The following TAOK2 variants were observed in gnomAD, a reference collection of about 807,000 sequenced individuals.
TAOK2 encodes serine/threonine-protein kinase TAO2.
In TAOK2, 42 loss-of-function variants were observed where a neutral mutation model predicts 122.5. That is an observed-to-expected ratio of 0.34 (90% CI 0.27 to 0.44). The LOEUF (loss-of-function observed/expected upper bound fraction) is 0.44, where lower values mean the gene tolerates loss of function less well. Ranked by LOEUF, TAOK2 falls within the 20% of genes least tolerant of loss-of-function variation. The probability of loss-of-function intolerance (pLI) is 1.00; values close to 1 mark genes in which losing one functional copy is unlikely to be tolerated. For synonymous variants in TAOK2, 704 were observed against 677.6 expected (o/e 1.04, Z -0.61); for missense variants, 1,264 against 1,644.9 (o/e 0.77, Z 4.01).
At position 29,986,129 on chromosome 16, in the gene TAOK2, C is replaced by T. The variant is rs1002764337; in HGVS notation, c.1993-136C>T. The T allele has an allele frequency of 3.7e-6, 5 of 1,364,596 alleles. No individual in the cohort carries two copies. The South Asian group carries it at 7.2e-5, about 20-fold the overall frequency. 84.5% of individuals were successfully genotyped at this position (1,364,596 alleles called of 1,614,324 possible). A position where few individuals can be genotyped will look rare whatever the true frequency, so the allele number is the denominator to read the frequency against. On this transcript the variant is annotated intron_variant, in intron 15 of 15. Coordinates refer to ENST00000308893, the MANE Select transcript of TAOK2 (RefSeq NM_016151.4). This position sits in a 1 kb window ranked among gnomAD's most constrained non-coding sequence, Gnocchi z 4.2. ...TCCCTCTGCCAAGGAGCCCTGGCCCCTCACTTCCTTGATACTGACCAGGCC... is the reference window on the plus strand; with the variant it reads ...TCCCTCTGCCAAGGAGCCCTGGCCCTTCACTTCCTTGATACTGACCAGGCC...
chr16:29,991,035 C>T (rs375060252), downstream of TAOK2: 53 of 1,575,990 alleles, frequency 3.4e-5, no homozygotes, highest in South Asian at 2.1e-4. The surrounding 1 kb of genome is among the most constrained non-coding windows in gnomAD (Gnocchi z 5.6). Context: ...ACCTCTGTTC[C>T]GGATGCCCCA....
rs748733191 is a variant in TAOK2 at position 29,977,797 on chromosome 16, A to C, written c.25A>C (p.Ser9Arg). 6.2e-7 allele frequency: 1 copy of C among 1,614,120 alleles called. No individual in the cohort carries two copies. The highest frequency in any genetic ancestry group is 2.2e-5 in the East Asian group (1 of 44,872). Residue 9 changes from serine to arginine, a missense_variant, in exon 2 of 16, where the codon AGC becomes CGC. Transcript: ENST00000308893. MPAGGRAG[S>R]LKDPDVAELF... ...CATGCCAGCTGGGGGCCGGGCCGGG[A>C]GCCTGAAGGACCCAGATGTGGCTGA... is the stretch of plus-strand genomic sequence containing the variant.
chr16:29,989,015 C>A (rs1481071150), downstream of TAOK2: 23 of 985,408 alleles, frequency 2.3e-5, no homozygotes, highest in Non-Finnish European at 2.8e-5. Flanking sequence ...CCCCTTCTTA[C>A]CCATTTCTCA....
intron 2 of TAOK2, 37 bp downstream of exon 2, chr16:29,977,941 G>C (rs946002503): frequency 1.2e-6 from 2 of 1,613,634 alleles, no homozygotes; most frequent in Non-Finnish European, 1.7e-6. Flanking sequence ...TAGGGATGGG[G>C]ACTCTTCCTA....
In TAOK2 at chr16:29,985,092, G is replaced by A; in HGVS notation, c.1423-121G>A. Reference sequence around the variant, plus strand: ...GCTAGAGTGGCCGTGTGTGAGGAAGGTGTTAAATGAGAATGAAACCCATGA... The same window carrying A: ...GCTAGAGTGGCCGTGTGTGAGGAAGATGTTAAATGAGAATGAAACCCATGA... On this transcript the variant is annotated intron_variant, in intron 13 of 15. Coordinates refer to ENST00000308893, the MANE Select transcript of TAOK2 (RefSeq NM_016151.4). The surrounding 1 kb of genome is among the most constrained non-coding windows in gnomAD (Gnocchi z 6.9). The A allele has an allele frequency of 1.6e-6, 2 of 1,273,666 alleles. No homozygotes were observed. Among genetic ancestry groups the A allele is most frequent in the Non-Finnish European group, 1.0e-6 (1 of 969,170 alleles). The allele number at this position is 1,273,666 out of a possible 1,614,324, so 78.9% of individuals were successfully genotyped here.
rs1596613735 is a variant in TAOK2, at chr16:29,986,085, A to T, written c.1993-180A>T. 6.6e-6 allele frequency among the ~76,000 whole-genome samples: 1 copy of T among 151,746 alleles called. No individual in the cohort carries two copies. Among genetic ancestry groups the T allele is most frequent in the East Asian group, 1.9e-4 (1 of 5,168 alleles). On this transcript the variant is annotated intron_variant, in intron 15 of 15. Transcript: ENST00000308893. The surrounding 1 kb of genome is among the most constrained non-coding windows in gnomAD (Gnocchi z 4.2). ...AGGAGCTTGCCTCCCCTACACCCTCATCTCCTGCCATCCCCAGCTCCCTCT... is the reference window on the plus strand; with the variant it reads ...AGGAGCTTGCCTCCCCTACACCCTCTTCTCCTGCCATCCCCAGCTCCCTCT...
chr16:29,991,487 T>C, downstream of TAOK2: 1 of 1,478,978 alleles, frequency 6.8e-7, no homozygotes, highest in South Asian at 1.4e-5. This position sits in a 1 kb window ranked among gnomAD's most constrained non-coding sequence, Gnocchi z 5.6. Context: ...GCCCCCCTGC[T>C]GCCGCGGTGC....
At chr16:29,977,622 C>A in intron 1 of TAOK2, 116 bp from the exon 2 acceptor site, 1 of 983,542 alleles carries the variant, frequency 1.0e-6, no homozygotes, top group South Asian at 1.8e-5. Flanking sequence ...CCTTCCTCAG[C>A]AGTGCCTCCT....
rs1428490877 is a variant in TAOK2 at position 29,973,944 on chromosome 16, G to A, written c.-740G>A. 3 of 152,964 alleles carry A rather than the reference G, an allele frequency of 2.0e-5. No homozygotes were observed. The highest frequency in any genetic ancestry group is 1.3e-4 in the Admixed American group (2 of 15,304). 9.5% of individuals were successfully genotyped at this position (152,964 alleles called of 1,614,324 possible). A position where few individuals can be genotyped will look rare whatever the true frequency, so the allele number is the denominator to read the frequency against. On this transcript the variant is annotated 5_prime_UTR_variant, in exon 1 of 16. Coordinates refer to ENST00000308893, the MANE Select transcript of TAOK2 (RefSeq NM_016151.4). ...GGGCTGTGGTGCGGAGAGAGGCTGA[G>A]ACGGAGAAGAGGAGAGGCAGAGAGG... is the stretch of plus-strand genomic sequence containing the variant.
rs751742851 is a variant in TAOK2 at position 29,986,633 on chromosome 16, A to G, written c.2361A>G (p.Arg787=). ...GCCAGGAGGCAGTCCTGGACCAAAG[A>G]ATGCTTGGCGAGGAGGAGGAAGCAG... The part of the protein sequence containing the change: ...SPGQEAVLDQ[R]MLGEEEEAVG... Residue 787 remains arginine (R), a synonymous_variant, in exon 16 of 16, where the codon AGA becomes AGG. Transcript: ENST00000308893. The surrounding 1 kb of genome is among the most constrained non-coding windows in gnomAD (Gnocchi z 4.2). The G allele has an allele frequency of 3.7e-6, 6 of 1,611,670 alleles. No homozygotes were observed. The African/African-American group carries it at 8.0e-5, about 22-fold the overall frequency.
intron 13 of TAOK2, 85 bp downstream of exon 13, chr16:29,983,749 A>G: frequency 2.0e-6 from 3 of 1,529,422 alleles, no homozygotes; most frequent in African/African-American, 1.4e-5. Context: ...TCCCTGTGGC[A>G]TGGGATTGAG....
At chr16:29,976,112 G>A (rs1368901268) in intron 1 of TAOK2, among the ~76,000 whole-genome samples, 3 of 152,206 alleles carry the variant, frequency 2.0e-5, no homozygotes, top group Admixed American at 2.0e-4. Flanking sequence ...TGTTTTGCCA[G>A]TGGGTGGCAC....
chr16:29,985,560 C>T lies in TAOK2; in HGVS notation c.1770C>T (p.Arg590=). The T allele has an allele frequency of 5.0e-6, 8 of 1,602,252 alleles. No homozygotes were observed. Among genetic ancestry groups the T allele is most frequent in the Non-Finnish European group, 6.8e-6 (8 of 1,172,540 alleles). The change falls in exon 14 of 16, where the codon CGC becomes CGT. Residue 590 remains arginine (R), a synonymous_variant. Coordinates refer to ENST00000308893, the MANE Select transcript of TAOK2 (RefSeq NM_016151.4). The surrounding 1 kb of genome is among the most constrained non-coding windows in gnomAD (Gnocchi z 6.9). The part of the protein sequence containing the change: ...LEAQKRTYKL[R]KEQLKEELQE... Reference sequence around the variant, plus strand: ...CACAGAAGCGGACCTACAAACTTCGCAAGGAACAGCTGAAGGAGGTGAGCT... The same window carrying T: ...CACAGAAGCGGACCTACAAACTTCGTAAGGAACAGCTGAAGGAGGTGAGCT...
In TAOK2 at chr16:29,985,261, C is replaced by A; in HGVS notation, c.1471C>A (p.Gln491Lys). Residue 491 changes from glutamine (Q) to lysine (K), a missense_variant, in exon 14 of 16, where the codon CAG becomes AAG. By Grantham distance (53) the Gln-to-Lys change is moderately conservative. Coordinates refer to ENST00000308893, the MANE Select transcript of TAOK2 (RefSeq NM_016151.4). The surrounding 1 kb of genome is among the most constrained non-coding windows in gnomAD (Gnocchi z 6.9). ...EHEQDSALREQLSGYKRMRRQ... is the reference protein window; with the variant it reads ...EHEQDSALREKLSGYKRMRRQ... ...TGAGCAGGACTCTGCGCTGCGGGAGCAGCTGAGCGGCTATAAGCGGATGCG... is the reference window on the plus strand; with the variant it reads ...TGAGCAGGACTCTGCGCTGCGGGAGAAGCTGAGCGGCTATAAGCGGATGCG... The A allele has an allele frequency of 6.4e-7, 1 of 1,559,356 alleles. No individual in the cohort carries two copies.
At chr16:29,982,630 G>T in intron 10 of TAOK2, 104 bp from the exon 11 acceptor site, 1 of 1,464,704 alleles carries the variant, frequency 6.8e-7, no homozygotes, top group Non-Finnish European at 9.2e-7. Flanking sequence ...CCCGTGGTGG[G>T]CGTGGGCCCC....
chr16:29,991,146 A>G, downstream of TAOK2: 1 of 1,610,676 alleles, frequency 6.2e-7, no homozygotes, highest in Non-Finnish European at 8.5e-7. This position sits in a 1 kb window ranked among gnomAD's most constrained non-coding sequence, Gnocchi z 5.6. Flanking sequence ...CGATGCGGAA[A>G]GCATGAGGCT....
In TAOK2 at chr16:29,978,857, T is replaced by A. The variant is rs780490230; in HGVS notation, c.352+13T>A. On this transcript the variant is annotated intron_variant, in intron 5 of 15. Transcript: ENST00000308893. ...GACCTTCTAGAAGGTAAGTGACTGA[T>A]AGGCCAATAAGTGGAGAAGGGAGAA... is the stretch of plus-strand genomic sequence containing the variant. 2 of 1,613,994 alleles carry A rather than the reference T, an allele frequency of 1.2e-6. No homozygotes were observed. The highest frequency in any genetic ancestry group is 2.2e-5 in the South Asian group (2 of 91,076).
chr16:29,983,361 G>C, intron 12 of TAOK2, 29 bp downstream of exon 12: 2 of 1,575,620 alleles, frequency 1.3e-6, no homozygotes, highest in Non-Finnish European at 1.7e-6. Flanking sequence ...GGGGACCCGA[G>C]CCACCTGCTC....
chr16:29,989,931 C>T (rs1003296678), downstream of TAOK2: 7 of 829,420 alleles, frequency 8.4e-6, no homozygotes, highest in East Asian at 2.7e-5. Context: ...CACATACTCT[C>T]CCTCTGTTCG....
Sources: allele counts gnomAD v4.1 joint callset (sites outside exome capture counted in the v4.1 genomes callset), GRCh38; gene constraint gnomAD v4.1.1; non-coding constraint Gnocchi (gnomAD v3.1); transcripts MANE v1.5; gene names NCBI Gene and HGNC (gene_info 2026-07-23, HGNC 2026-07-21).